The following GNA14 variants were observed in gnomAD, a reference collection of about 807,000 sequenced individuals.
The protein encoded by GNA14 is guanine nucleotide-binding protein subunit alpha-14.
Under a neutral mutation model 42.0 loss-of-function variants are expected in GNA14, and 50 were observed. The observed-to-expected ratio is 1.19, with a 90% CI of 0.95 to 1.51. The LOEUF (loss-of-function observed/expected upper bound fraction) is 1.51. GNA14 is among the 40% of genes most tolerant of loss of function. GNA14 has a pLI of 0.00. For missense variants in GNA14, 473 were observed against 446.2 expected, an observed-to-expected ratio of 1.06 and a Z score of -0.54; for synonymous variants, 173 against 163.1, an observed-to-expected ratio of 1.06 and a Z score of -0.46.
chr9:77,468,609 G>T (rs1208136490), intron 2 of GNA14, among the ~76,000 whole-genome samples: 1 of 152,188 alleles, frequency 6.6e-6, no homozygotes, highest in African/African-American at 2.4e-5. Context: ...TGTGCTTCTT[G>T]AAGTTGGTGT....
chr9:77,523,894 A>G (rs1837397169), intron 2 of GNA14, among the ~76,000 whole-genome samples: 1 of 152,090 alleles, frequency 6.6e-6, no homozygotes, highest in African/African-American at 2.4e-5. Flanking sequence ...AGGGGTTCAT[A>G]TTTTTTTCCT....
At chr9:77,625,752 G>A (rs1824004065) in intron 1 of GNA14, among the ~76,000 whole-genome samples, 1 of 151,876 alleles carries the variant, frequency 6.6e-6, no homozygotes, top group Non-Finnish European at 1.5e-5. Flanking sequence ...ATATGGAAAG[G>A]AAAAACCAGT....
chr9:77,640,894 AACAG>A (rs367664559), intron 1 of GNA14, among the ~76,000 whole-genome samples: 12 of 143,334 alleles, frequency 8.4e-5, no homozygotes, highest in African/African-American at 3.1e-4. Context: ...AAAAAAAAAC[AACAG>A]ACAGAGGCAT....
chr9:77,642,018 A>C (rs1824275850), intron 1 of GNA14, among the ~76,000 whole-genome samples: 1 of 152,224 alleles, frequency 6.6e-6, no homozygotes, highest in Non-Finnish European at 1.5e-5. Context: ...GTTCCAAATA[A>C]AAAGTAAACA....
chr9:77,519,319 T>G (rs959726009), intron 2 of GNA14, among the ~76,000 whole-genome samples: 17 of 151,720 alleles, frequency 1.1e-4, no homozygotes, highest in East Asian at 7.8e-4. Flanking sequence ...GCTGAGGCAG[T>G]AGAATCACTT....
chr9:77,599,627 A>C (rs990472366), intron 1 of GNA14, among the ~76,000 whole-genome samples: 5 of 152,194 alleles, frequency 3.3e-5, no homozygotes, highest in Non-Finnish European at 5.9e-5. Flanking sequence ...TAGGATAAGC[A>C]TATGCCAGCC....
At chr9:77,599,137 T>TAATTG (rs1172429133) in intron 1 of GNA14, among the ~76,000 whole-genome samples, 1 of 152,102 alleles carries the variant, frequency 6.6e-6, no homozygotes, top group Non-Finnish European at 1.5e-5. Context: ...TTTTTCAGAG[T>TAATTG]AATTGATATT....
chr9:77,576,106 G>A (rs985355287), intron 1 of GNA14, among the ~76,000 whole-genome samples: 40 of 152,278 alleles, frequency 2.6e-4, no homozygotes, highest in African/African-American at 9.1e-4. Flanking sequence ...TTTAAATTAA[G>A]AGACATAAAT....
intron 2 of GNA14, among the ~76,000 whole-genome samples, chr9:77,474,393 GTT>G (rs771515760): frequency 0.62 from 93,988 of 152,092 alleles, 30,671 homozygotes; most frequent in African/African-American, 0.83. Context: ...ACAAGCACTT[GTT>G]ATCCATGACA....
intron 1 of GNA14, among the ~76,000 whole-genome samples, chr9:77,560,612 A>G (rs1822866901): frequency 6.6e-6 from 1 of 152,070 alleles, no homozygotes; most frequent in Non-Finnish European, 1.5e-5. Flanking sequence ...CACTGTGCCT[A>G]GCCTGCTCCC....
At chr9:77,629,670 A>G (rs1002532574) in intron 1 of GNA14, among the ~76,000 whole-genome samples, 2 of 152,202 alleles carry the variant, frequency 1.3e-5, no homozygotes, top group Non-Finnish European at 2.9e-5. Context: ...ATAAGTGGGA[A>G]CTGAATAATG....
intron 2 of GNA14, among the ~76,000 whole-genome samples, chr9:77,508,411 A>G (rs769177898): frequency 6.6e-6 from 1 of 152,202 alleles, no homozygotes; most frequent in Non-Finnish European, 1.5e-5. Flanking sequence ...ATGGACTGTG[A>G]TGAGGTGGGG....
intron 2 of GNA14, among the ~76,000 whole-genome samples, chr9:77,475,920 C>T (rs1836413781): frequency 6.6e-6 from 1 of 152,106 alleles, no homozygotes; most frequent in East Asian, 1.9e-4. Context: ...TGGGCATATC[C>T]CCTTAGCCCC....
intron 1 of GNA14, among the ~76,000 whole-genome samples, chr9:77,585,287 T>C (rs1217931050): frequency 1.3e-5 from 2 of 152,282 alleles, no homozygotes; most frequent in Middle Eastern, 3.4e-3. Context: ...TATTTTGAGC[T>C]GATTATTTTG....
intron 1 of GNA14, among the ~76,000 whole-genome samples, chr9:77,579,145 A>C (rs986986388): frequency 6.6e-6 from 1 of 152,130 alleles, no homozygotes; most frequent in African/African-American, 2.4e-5. Flanking sequence ...TCACACCTAT[A>C]AAGTTGGAAT....
intron 1 of GNA14, among the ~76,000 whole-genome samples, chr9:77,608,854 T>A (rs2117938624): frequency 6.6e-6 from 1 of 151,740 alleles, no homozygotes; most frequent in African/African-American, 2.4e-5. Flanking sequence ...CTGCCCCCTT[T>A]AGTCCCAGCT....
rs537197367 is a variant in GNA14 at position 77,557,839 on chromosome 9, A to G, written c.125-28586T>C. ...GGGATCATTCGCATAATGTTTTTATATTAGCTATTTATGACCATATTTTTA... is the reference window on the plus strand; with the variant it reads ...GGGATCATTCGCATAATGTTTTTATGTTAGCTATTTATGACCATATTTTTA... On this transcript the variant is annotated intron_variant, in intron 1 of 6. Transcript: ENST00000341700. Among the ~76,000 whole-genome samples, 261 of 152,340 alleles carry G rather than the reference A, an allele frequency of 1.7e-3. 15 individuals are homozygous for G. In the South Asian group the frequency reaches 0.053, roughly 31 times the overall value.
chr9:77,569,493 ACAAGATGGACACAGCTCCT>A (rs1823027152), intron 1 of GNA14, among the ~76,000 whole-genome samples: 2 of 152,178 alleles, frequency 1.3e-5, no homozygotes, highest in South Asian at 4.1e-4. Context: ...ATGGCTGTGA[ACAAGATGGACACAGCTCCT>A]GCTCCCCAGG....
intron 2 of GNA14, among the ~76,000 whole-genome samples, chr9:77,470,320 T>C (rs2131720654): frequency 6.6e-6 from 1 of 152,158 alleles, no homozygotes; most frequent in East Asian, 1.9e-4. Flanking sequence ...GGAGAGTATC[T>C]CCAATTAGAA....
Sources: gnomAD v4.1 joint callset for allele counts (sites outside exome capture counted in the v4.1 genomes callset) on GRCh38, gnomAD v4.1.1 for gene constraint, MANE v1.5 for transcripts, NCBI Gene and HGNC (gene_info 2026-07-23, HGNC 2026-07-21) for gene names.